NBN: variants seen among roughly 807,000 people sequenced by gnomAD.
The protein encoded by NBN is nibrin, also known as Nijmegen breakage syndrome 1 (nibrin).
Under a neutral mutation model 90.8 loss-of-function variants are expected in NBN, and 88 were observed. The ratio of observed to expected loss-of-function variants is 0.97; its 90% CI spans 0.82 to 1.16. The LOEUF is 1.16. Ranked by LOEUF, NBN falls within the 50% of genes most tolerant of loss-of-function variation. The pLI, the probability that NBN is intolerant of heterozygous loss-of-function variation, is 0.00. For missense variants in NBN, 894 were observed against 869.6 expected (o/e 1.03, Z -0.35); for synonymous variants, 328 against 295.1 (o/e 1.11, Z -1.14).
rs1554558419 is a variant in NBN, at chr8:89,953,522, A to G, written c.1567T>C (p.Phe523Leu). 6.2e-7 allele frequency: 1 copy of G among 1,613,682 alleles called. No homozygotes were observed. The highest frequency in any genetic ancestry group is 1.3e-5 in the African/African-American group (1 of 74,908). ...PVDTNSDNNL[F>L]TDTDLKSIVK... Reference sequence around the variant, plus strand: ...ATAGATTTTAAATCTGTATCTGTAAATAAGTTATTGTCTGAGTTTGTGTCC... The same window carrying G: ...ATAGATTTTAAATCTGTATCTGTAAGTAAGTTATTGTCTGAGTTTGTGTCC... Residue 523 changes from phenylalanine (F) to leucine (L), a missense_variant, in exon 11 of 16, where the codon TTT becomes CTT. Physicochemically the swap from Phe to Leu is conservative, Grantham distance 22 (BLOSUM62 0). Coordinates refer to ENST00000265433, the MANE Select transcript of NBN (RefSeq NM_002485.5).
At chr8:89,951,992 G>A (rs1003924159) in intron 11 of NBN, among the ~76,000 whole-genome samples, 1 of 152,274 alleles carries the variant, frequency 6.6e-6, no homozygotes, top group Non-Finnish European at 1.5e-5. Context: ...AAGCTCCTTA[G>A]AAAACAGGGA....
At chr8:89,968,594 A>C (rs945564666) in intron 7 of NBN, among the ~76,000 whole-genome samples, 1 of 150,672 alleles carries the variant, frequency 6.6e-6, no homozygotes, top group Non-Finnish European at 1.5e-5. Context: ...ATGTAGGATA[A>C]TTTTTTTTTT....
intron 14 of NBN, among the ~76,000 whole-genome samples, chr8:89,941,461 A>G (rs1001899064): frequency 6.6e-6 from 1 of 152,216 alleles, no homozygotes; most frequent in Non-Finnish European, 1.5e-5. Context: ...GTTTAAAACT[A>G]CCCATTCCGA....
rs587778547 is a variant in NBN at position 89,970,388 on chromosome 8, T to C, written c.872A>G (p.Gln291Arg). 2 of 1,612,990 alleles carry C rather than the reference T, an allele frequency of 1.2e-6. No homozygotes were observed. Among genetic ancestry groups the C allele is most frequent in the Non-Finnish European group, 1.7e-6 (2 of 1,179,044 alleles). The change falls in exon 7 of 16, where the codon CAG becomes CGG. Residue 291 changes from glutamine to arginine, a missense_variant. By Grantham distance (43) the Gln-to-Arg change is conservative. Coordinates refer to ENST00000265433, the MANE Select transcript of NBN (RefSeq NM_002485.5). Reference sequence around the variant, plus strand: ...CCTTTGGAGCATATCCATTATTGACTGAATCCATTTCTTCTGACAGTCAGG... The same window carrying C: ...CCTTTGGAGCATATCCATTATTGACCGAATCCATTTCTTCTGACAGTCAGG... ...LIPDCQKKWI[Q>R]SIMDMLQRQG...
At position 89,964,366 on chromosome 8, in the gene NBN, A is replaced by G. The variant is rs745501933; in HGVS notation, c.994+44T>C. ...ACGTATATTTAGCTTATCGATTTAC[A>G]TAATAAAGTTGCTAACGAATCAATA... is the stretch of plus-strand genomic sequence containing the variant. On this transcript the variant is annotated intron_variant, in intron 8 of 15. Transcript: ENST00000265433. The G allele has an allele frequency of 4.5e-5, 73 of 1,604,398 alleles. 1 individual carries two copies. In the South Asian group the frequency reaches 7.7e-4, roughly 17 times the overall value.
intron 14 of NBN, among the ~76,000 whole-genome samples, chr8:89,939,511 TAATC>T (rs1809841844): frequency 6.6e-6 from 1 of 152,008 alleles, no homozygotes. Flanking sequence ...CATCTAAAAT[TAATC>T]AAACAAAACT....
chr8:89,984,367 G>C (rs1336322007), intron 1 of NBN, 158 bp downstream of exon 1: 1 of 721,164 alleles, frequency 1.4e-6, no homozygotes, highest in Non-Finnish European at 2.4e-6. Flanking sequence ...TGCCCGGGAA[G>C]AATATGCGCT....
rs1287344038 is a variant in NBN at position 89,955,361 on chromosome 8, T to A, written c.1319A>T (p.Asn440Ile). The change falls in exon 10 of 16, where the codon AAT becomes ATT. Residue 440 changes from asparagine (N) to isoleucine (I), a missense_variant. By Grantham distance (149) the Asn-to-Ile change is moderately radical. Coordinates refer to ENST00000265433, the MANE Select transcript of NBN (RefSeq NM_002485.5). The stretch of plus-strand genomic sequence containing the variant: ...CTGAGAAGCCCTATCTTTACTTTTA[T>A]TTATACTTGGCAATTTAGTTGGTGA... Reference protein sequence around the residue: ...QLSPTKLPSINKSKDRASQQQ... With the variant: ...QLSPTKLPSIIKSKDRASQQQ... 6.2e-7 allele frequency: 1 copy of A among 1,613,886 alleles called. No homozygotes were observed. Among genetic ancestry groups the A allele is most frequent in the South Asian group, 1.1e-5 (1 of 91,068 alleles).
At chr8:89,937,871 T>A (rs143971955) in intron 14 of NBN, among the ~76,000 whole-genome samples, 9 of 152,306 alleles carry the variant, frequency 5.9e-5, no homozygotes, top group African/African-American at 2.2e-4. Flanking sequence ...CATCTCCTAA[T>A]AAATATCCTG....
intron 12 of NBN, among the ~76,000 whole-genome samples, chr8:89,946,955 C>T (rs1036650160): frequency 6.6e-6 from 1 of 152,066 alleles, no homozygotes; most frequent in South Asian, 2.1e-4. Context: ...ATTATTACAG[C>T]TGCTTAAGGT....
intron 8 of NBN, among the ~76,000 whole-genome samples, chr8:89,963,734 A>G (rs1405642641): frequency 6.6e-6 from 1 of 152,070 alleles, no homozygotes; most frequent in Non-Finnish European, 1.5e-5. Flanking sequence ...GGAAACTAGG[A>G]GTTGTTTCTA....
intron 3 of NBN, 24 bp from the exon 4 acceptor site, chr8:89,980,917 A>G: frequency 6.2e-7 from 1 of 1,607,254 alleles, no homozygotes; most frequent in South Asian, 1.1e-5. Flanking sequence ...TAAGTTAAAT[A>G]AAGTCATAGT....
At chr8:89,968,898 T>A (rs1161030065) in intron 7 of NBN, among the ~76,000 whole-genome samples, 2 of 152,250 alleles carry the variant, frequency 1.3e-5, no homozygotes, top group Non-Finnish European at 2.9e-5. Flanking sequence ...TGTGTTGTAG[T>A]AATAAGATAG....
chr8:89,984,445 C>G, intron 1 of NBN, 80 bp downstream of exon 1: 10 of 1,361,862 alleles, frequency 7.3e-6, no homozygotes, highest in Non-Finnish European at 1.0e-5. Flanking sequence ...ACGGACGCGA[C>G]GCAGGAATCA....
At position 89,950,450 on chromosome 8, in the gene NBN, A is replaced by AT. The variant is rs11365491; in HGVS notation, c.1846-2559dup. 2.1e-4 allele frequency among the ~76,000 whole-genome samples: 32 copies of AT among 150,700 alleles called. No homozygotes were observed. In the South Asian group the frequency reaches 4.6e-3, roughly 22 times the overall value. ...AAAAAGTTTGTACATGTACAGACGCATTTTTTTTTTCCCAAATACTTTCAA... is the reference window on the plus strand; with the variant it reads ...AAAAAGTTTGTACATGTACAGACGCATTTTTTTTTTTCCCAAATACTTTCAA... On this transcript the variant is annotated intron_variant, in intron 11 of 15. Transcript: ENST00000265433.
intron 8 of NBN, among the ~76,000 whole-genome samples, chr8:89,959,977 C>A (rs922670512): frequency 2.0e-5 from 3 of 152,156 alleles, no homozygotes; most frequent in Non-Finnish European, 4.4e-5. Flanking sequence ...TGTTTACTTG[C>A]TACTTTCCCT....
At chr8:89,965,952 T>C (rs932902930) in intron 7 of NBN, among the ~76,000 whole-genome samples, 2 of 152,228 alleles carry the variant, frequency 1.3e-5, no homozygotes, top group Non-Finnish European at 1.5e-5. Context: ...TGATCACATA[T>C]ACCTACCTGT....
rs368132097 is a variant in NBN, at chr8:89,946,303, G to A, written c.1915-8C>T. 5 of 1,568,074 alleles carry A rather than the reference G, an allele frequency of 3.2e-6. 1 individual carries two copies. In the South Asian group the frequency reaches 3.3e-5, roughly 10 times the overall value. Reference sequence around the variant, plus strand: ...CTGAAGTTTGTCATTGTTCTTAAATGGGGTTAAGATGGATAGGTAAGAAAG... The same window carrying A: ...CTGAAGTTTGTCATTGTTCTTAAATAGGGTTAAGATGGATAGGTAAGAAAG... On this transcript the variant is annotated splice_region_variant and splice_polypyrimidine_tract_variant and intron_variant, in intron 12 of 15. Coordinates refer to ENST00000265433, the MANE Select transcript of NBN (RefSeq NM_002485.5).
At chr8:89,946,999 A>G (rs1319634263) in intron 12 of NBN, among the ~76,000 whole-genome samples, 1 of 152,174 alleles carries the variant, frequency 6.6e-6, no homozygotes, top group Admixed American at 6.5e-5. Context: ...CTGTAACTAC[A>G]TAATTAATAT....
Sources: gnomAD v4.1 joint callset for allele counts (sites outside exome capture counted in the v4.1 genomes callset) on GRCh38, gnomAD v4.1.1 for gene constraint, MANE v1.5 for transcripts, NCBI Gene and HGNC (gene_info 2026-07-23, HGNC 2026-07-21) for gene names.